Variants in DYNC1I1 observed in about 807,000 individuals in gnomAD.
DYNC1I1 encodes dynein cytoplasmic 1 intermediate chain 1.
A neutral mutation model predicts 86.6 loss-of-function variants in DYNC1I1; 43 were observed. The observed-to-expected ratio is 0.50, with a 90% confidence interval of 0.39 to 0.64. DYNC1I1 has a LOEUF of 0.64. Among genes scored for constraint, DYNC1I1 ranks in the 30% least tolerant of loss-of-function variants. The pLI is 0.00. For missense variants in DYNC1I1, 604 were observed against 788.8 expected (o/e 0.77, Z 2.81); for synonymous variants, 262 against 283.7 (o/e 0.92, Z 0.77).
At chr7:95,929,473 T>C (rs1791833058) in intron 6 of DYNC1I1, among the ~76,000 whole-genome samples, 2 of 152,204 alleles carry the variant, frequency 1.3e-5, no homozygotes, top group African/African-American at 4.8e-5. Flanking sequence ...TCCTAGTTCC[T>C]TCATAGAGCC....
intron 15 of DYNC1I1, among the ~76,000 whole-genome samples, chr7:96,076,647 G>T (rs547585263): frequency 6.6e-6 from 1 of 152,282 alleles, no homozygotes; most frequent in East Asian, 1.9e-4. Flanking sequence ...CACAAAAGAC[G>T]ATTCTGTTGA....
At chr7:96,009,960 G>A (rs1794234529) in intron 10 of DYNC1I1, among the ~76,000 whole-genome samples, 1 of 151,926 alleles carries the variant, frequency 6.6e-6, no homozygotes, top group Non-Finnish European at 1.5e-5. Context: ...TGTATTTTTA[G>A]TAAAGATGAG....
chr7:95,996,793 C>T (rs1258437635), intron 10 of DYNC1I1, among the ~76,000 whole-genome samples: 1 of 152,166 alleles, frequency 6.6e-6, no homozygotes, highest in African/African-American at 2.4e-5. Context: ...TATTAATGCT[C>T]CTATCCTGTG....
chr7:95,868,862 C>T (rs531099107), intron 5 of DYNC1I1, among the ~76,000 whole-genome samples: 1 of 152,074 alleles, frequency 6.6e-6, no homozygotes. Flanking sequence ...ATGAGACACA[C>T]GCTGGTAAAT....
At chr7:95,794,219 C>T (rs892864648) in intron 1 of DYNC1I1, among the ~76,000 whole-genome samples, 1 of 152,100 alleles carries the variant, frequency 6.6e-6, no homozygotes, top group Non-Finnish European at 1.5e-5. Flanking sequence ...TTCTGTTTTC[C>T]GGTTCCTCTT....
At chr7:96,013,575 C>G (rs1390797284) in intron 10 of DYNC1I1, among the ~76,000 whole-genome samples, 1 of 152,104 alleles carries the variant, frequency 6.6e-6, no homozygotes, top group Non-Finnish European at 1.5e-5. Context: ...CCTCTTGCCT[C>G]CGTCTCCCAG....
chr7:95,870,795 T>G (rs947676016), intron 6 of DYNC1I1, among the ~76,000 whole-genome samples: 1 of 152,236 alleles, frequency 6.6e-6, no homozygotes, highest in Admixed American at 6.5e-5. Flanking sequence ...AATTCAAAAC[T>G]TTATCAAAGC....
chr7:95,863,324 G>C (rs1384872029), intron 5 of DYNC1I1, among the ~76,000 whole-genome samples: 1 of 152,042 alleles, frequency 6.6e-6, no homozygotes, highest in Non-Finnish European at 1.5e-5. Context: ...CATATTATTA[G>C]TGGTTGTCAA....
intron 14 of DYNC1I1, chr7:96,056,027 A>G (rs1789567186): frequency 3.6e-5 from 5 of 140,774 alleles, no homozygotes; most frequent in Admixed American, 3.5e-4. Context: ...CTTTTAAACC[A>G]GAGTTCCTCT....
chr7:96,086,207 CT>C (rs1229422519), intron 16 of DYNC1I1, among the ~76,000 whole-genome samples: 4 of 152,198 alleles, frequency 2.6e-5, no homozygotes, highest in Non-Finnish European at 5.9e-5. Context: ...TAAATATCCC[CT>C]AACAACTATG....
At chr7:95,942,376 A>T (rs1481256366) in intron 6 of DYNC1I1, among the ~76,000 whole-genome samples, 3 of 152,214 alleles carry the variant, frequency 2.0e-5, no homozygotes, top group Admixed American at 2.0e-4. Context: ...TGTGGCTTTA[A>T]TCAATAGCTT....
At chr7:95,957,537 G>C (rs745858385) in intron 6 of DYNC1I1, among the ~76,000 whole-genome samples, 5 of 152,132 alleles carry the variant, frequency 3.3e-5, no homozygotes, top group Non-Finnish European at 7.3e-5. Context: ...CCTTGGTCTT[G>C]TCTGAGAAGT....
At position 95,904,607 on chromosome 7, in the gene DYNC1I1, A is replaced by G. The variant is rs1318056095; in HGVS notation, c.490+34609A>G. Among the ~76,000 whole-genome samples, 49 of 122,536 alleles carry G rather than the reference A, an allele frequency of 4.0e-4. No homozygotes were observed. The Admixed American group carries it at 4.2e-3, about 11-fold the overall frequency. The allele number at this position is 122,536 out of a possible 152,430, so 80.4% of individuals were successfully genotyped here. ...CATATATATGTAAAAATACATATGT[A>G]TGTATACATATGTGTGTATGTATAT... On this transcript the variant is annotated intron_variant, in intron 6 of 16. Transcript: ENST00000447467.
intron 6 of DYNC1I1, among the ~76,000 whole-genome samples, chr7:95,902,911 TA>T (rs1255303469): frequency 3.3e-5 from 5 of 152,190 alleles, no homozygotes; most frequent in African/African-American, 1.2e-4. Flanking sequence ...ACCCCCATCT[TA>T]TTCCATGGAG....
chr7:96,058,119 C>A (rs1487411476), intron 14 of DYNC1I1, among the ~76,000 whole-genome samples: 1 of 152,114 alleles, frequency 6.6e-6, no homozygotes, highest in Non-Finnish European at 1.5e-5. Flanking sequence ...GCAAGAATAA[C>A]AGCACAAATA....
intron 5 of DYNC1I1, among the ~76,000 whole-genome samples, chr7:95,836,489 T>C (rs1432048757): frequency 6.6e-6 from 1 of 151,748 alleles, no homozygotes; most frequent in Non-Finnish European, 1.5e-5. Context: ...GCGTTCTTTG[T>C]ATTTCCTGAA....
chr7:96,106,428 G>A (rs945362543), intron 16 of DYNC1I1, among the ~76,000 whole-genome samples: 9 of 151,964 alleles, frequency 5.9e-5, no homozygotes, highest in East Asian at 1.9e-4. Flanking sequence ...CCAGCTACTC[G>A]GGAGGCTTAG....
At chr7:96,015,867 C>A (rs1794388919) in intron 10 of DYNC1I1, among the ~76,000 whole-genome samples, 1 of 152,094 alleles carries the variant, frequency 6.6e-6, no homozygotes, top group African/African-American at 2.4e-5. Context: ...CTTGTCTCTT[C>A]CATATATCTT....
chr7:96,087,875 T>A (rs1433070143), intron 16 of DYNC1I1, among the ~76,000 whole-genome samples: 1 of 152,210 alleles, frequency 6.6e-6, no homozygotes, highest in South Asian at 2.1e-4. Flanking sequence ...AATAAGCCAC[T>A]TTGAAATAAT....
Sources: allele counts gnomAD v4.1 joint callset (sites outside exome capture counted in the v4.1 genomes callset), GRCh38; gene constraint gnomAD v4.1.1; transcripts MANE v1.5; gene names NCBI Gene and HGNC (gene_info 2026-07-23, HGNC 2026-07-21).